The following TBC1D22A variants were observed in gnomAD, a reference collection of about 807,000 sequenced individuals.
The protein encoded by TBC1D22A is putative GTPase activator.
TBC1D22A carries 38 observed loss-of-function variants against 60.2 expected under a neutral mutation model. The ratio of observed to expected loss-of-function variants is 0.63; its 90% CI spans 0.49 to 0.83. The LOEUF is 0.83. Among genes scored for constraint, TBC1D22A ranks in the 40% least tolerant of loss-of-function variants. The probability of loss-of-function intolerance (pLI) is 0.00; values close to 1 mark genes in which losing one functional copy is unlikely to be tolerated. For missense variants in TBC1D22A, 628 were observed against 701.0 expected, an observed-to-expected ratio of 0.90 and a Z score of 1.18; for synonymous variants, 302 against 281.7, an observed-to-expected ratio of 1.07 and a Z score of -0.72.
At chr22:46,962,623 G>A (rs1015550216) in intron 8 of TBC1D22A, among the ~76,000 whole-genome samples, 3 of 152,162 alleles carry the variant, frequency 2.0e-5, no homozygotes, top group African/African-American at 7.2e-5. Context: ...GTAGGGGTGC[G>A]GCTGTGTAGA....
intron 10 of TBC1D22A, 46 bp from the exon 11 acceptor site, chr22:47,037,025 A>G (rs775436360): frequency 2.0e-5 from 33 of 1,609,918 alleles, no homozygotes; most frequent in Admixed American, 3.3e-5. Flanking sequence ...CAGTGCCTCC[A>G]TAGGGCTCCC....
At chr22:47,053,672 G>T (rs368508176) in intron 11 of TBC1D22A, among the ~76,000 whole-genome samples, 1 of 152,232 alleles carries the variant, frequency 6.6e-6, no homozygotes, top group Non-Finnish European at 1.5e-5. Flanking sequence ...GTGACATATT[G>T]TCGGGCTCAT....
chr22:46,767,182 C>T (rs1041749874), intron 1 of TBC1D22A, among the ~76,000 whole-genome samples: 1 of 152,020 alleles, frequency 6.6e-6, no homozygotes, highest in African/African-American at 2.4e-5. Flanking sequence ...TCTGGATGAG[C>T]CAGGATGTGT....
chr22:46,806,361 C>T (rs1337433461), intron 4 of TBC1D22A, among the ~76,000 whole-genome samples: 7 of 106,840 alleles, frequency 6.6e-5, no homozygotes, highest in Non-Finnish European at 1.0e-4. Context: ...TTTTTTTTGC[C>T]CGGAAATGGA....
chr22:46,942,012 T>C (rs1052755438), intron 8 of TBC1D22A, among the ~76,000 whole-genome samples: 25 of 134,022 alleles, frequency 1.9e-4, no homozygotes, highest in African/African-American at 7.0e-4. Context: ...AGCATACATA[T>C]ATATATATAT....
At chr22:46,821,053 CTT>C (rs139587) in intron 4 of TBC1D22A, among the ~76,000 whole-genome samples, 9,855 of 123,844 alleles carry the variant, frequency 0.08, 332 homozygotes, top group Non-Finnish European at 0.12. Context: ...GCAACCCCTG[CTT>C]TTTTTTTTTT....
chr22:47,067,023 T>C (rs1384510678), intron 11 of TBC1D22A, among the ~76,000 whole-genome samples: 1 of 152,190 alleles, frequency 6.6e-6, no homozygotes, highest in Non-Finnish European at 1.5e-5. Context: ...CCCAGCACTT[T>C]GGGAGGCTGA....
chr22:47,087,807 G>A (rs2064758340), intron 11 of TBC1D22A, among the ~76,000 whole-genome samples: 3 of 152,146 alleles, frequency 2.0e-5, no homozygotes, highest in African/African-American at 7.2e-5. Context: ...CAGGCGTGGT[G>A]GCTCATGCCT....
chr22:46,963,572 G>T (rs1395611292), intron 8 of TBC1D22A, among the ~76,000 whole-genome samples: 28 of 152,342 alleles, frequency 1.8e-4, no homozygotes. Context: ...TAAAACCCAA[G>T]AGACAGGCCA....
intron 7 of TBC1D22A, among the ~76,000 whole-genome samples, chr22:46,898,445 A>G (rs1276965829): frequency 6.6e-6 from 1 of 152,214 alleles, no homozygotes; most frequent in Non-Finnish European, 1.5e-5. Flanking sequence ...TAAAGGGGAC[A>G]GGGCTGGATA....
chr22:46,919,552 A>G (rs1006164808), intron 8 of TBC1D22A, among the ~76,000 whole-genome samples: 3 of 152,140 alleles, frequency 2.0e-5, no homozygotes, highest in Non-Finnish European at 4.4e-5. Flanking sequence ...TTGGTATATA[A>G]CTGGGAGAAT....
intron 11 of TBC1D22A, among the ~76,000 whole-genome samples, chr22:47,084,108 T>C (rs974069622): frequency 2.0e-5 from 3 of 152,230 alleles, no homozygotes; most frequent in African/African-American, 7.2e-5. Context: ...TATTCCACAC[T>C]TAAGTCATAC....
chr22:47,019,916 C>CCCCTCTCCCTTAACCCTCCATCCTG (rs1569345160), intron 10 of TBC1D22A, among the ~76,000 whole-genome samples: 4 of 123,088 alleles, frequency 3.2e-5, no homozygotes, highest in South Asian at 2.5e-4. Flanking sequence ...TCTCCATCCT[C>CCCCTCTCCCTTAACCCTCCATCCTG]CCCTCTCCCT....
chr22:46,974,368 G>A lies in TBC1D22A; in HGVS notation c.1094G>A (p.Trp365Ter), dbSNP rs1333784593. ...VLCNIEADTY[W>*]CMSKLLDGIQ... ...TGCAACATCGAGGCCGACACCTACT[G>A]GTGCATGAGCAAGCTGCTGGATGGC... Residue 365 changes from tryptophan (W) to a stop codon, truncating the protein, a stop_gained, in exon 9 of 13, where the codon TGG becomes TAG. Coordinates refer to ENST00000337137, the MANE Select transcript of TBC1D22A (RefSeq NM_014346.5). LOFTEE classifies it high-confidence loss of function. 6.2e-7 allele frequency: 1 copy of A among 1,611,480 alleles called. No individual in the cohort carries two copies. The highest frequency in any genetic ancestry group is 1.1e-5 in the South Asian group (1 of 90,328).
chr22:46,768,859 C>G (rs2083387529), intron 1 of TBC1D22A, among the ~76,000 whole-genome samples: 1 of 151,678 alleles, frequency 6.6e-6, no homozygotes, highest in East Asian at 1.9e-4. Flanking sequence ...TTTGGGGGGC[C>G]CAGGCGGGTG....
At chr22:46,907,771 C>T (rs1569205696) in intron 7 of TBC1D22A, among the ~76,000 whole-genome samples, 1 of 152,212 alleles carries the variant, frequency 6.6e-6, no homozygotes, top group Non-Finnish European at 1.5e-5. Flanking sequence ...GGGTGAGAGC[C>T]ACAGGCCAGA....
chr22:46,828,922 G>A (rs1160796709), intron 4 of TBC1D22A, among the ~76,000 whole-genome samples: 1 of 152,116 alleles, frequency 6.6e-6, no homozygotes, highest in Non-Finnish European at 1.5e-5. Context: ...TACTTGAAAC[G>A]ACCTACATGG....
In TBC1D22A at chr22:46,835,495, C is replaced by T. The variant is rs544540955; in HGVS notation, c.637+37875C>T. Among the ~76,000 whole-genome samples the T allele has an allele frequency of 3.4e-4, 52 of 152,012 alleles. 1 individual carries two copies. The South Asian group carries it at 8.7e-3, about 25-fold the overall frequency. On this transcript the variant is annotated intron_variant, in intron 4 of 12. Transcript: ENST00000337137. ...GCTTTAACAACAGACTCTAACAAGC[C>T]GAAGAATCAGTAGGCTCAAAGACAG...
intron 8 of TBC1D22A, among the ~76,000 whole-genome samples, chr22:46,957,937 G>C (rs1444123068): frequency 6.6e-6 from 1 of 152,140 alleles, no homozygotes; most frequent in Non-Finnish European, 1.5e-5. Context: ...GGGCATCAGA[G>C]GCAGGAGGCA....
Sources: gnomAD v4.1 joint callset for allele counts (sites outside exome capture counted in the v4.1 genomes callset) on GRCh38, gnomAD v4.1.1 for gene constraint, MANE v1.5 for transcripts, NCBI Gene and HGNC (gene_info 2026-07-23, HGNC 2026-07-21) for gene names.